The following ADARB2 variants were observed in gnomAD, a reference collection of about 807,000 sequenced individuals.
The protein encoded by ADARB2 is adenosine deaminase RNA specific B2 (inactive), also known as inactive double-stranded RNA-specific editase B2.
Under a neutral mutation model 62.2 loss-of-function variants are expected in ADARB2, and 25 were observed. That is an observed-to-expected ratio of 0.40 (90% CI 0.29 to 0.56). The LOEUF (loss-of-function observed/expected upper bound fraction) is 0.56. ADARB2 is among the 20% of genes least tolerant of loss of function. The probability of loss-of-function intolerance (pLI) is 0.43; values close to 1 mark genes in which losing one functional copy is unlikely to be tolerated. For missense variants in ADARB2, 1,071 were observed against 1,077.4 expected (o/e 0.99, Z 0.08); for synonymous variants, 572 against 500.8 (o/e 1.14, Z -1.90).
chr10:1,387,981 A>G (rs1314994963), intron 1 of ADARB2, among the ~76,000 whole-genome samples: 1 of 152,076 alleles, frequency 6.6e-6, no homozygotes, highest in African/African-American at 2.4e-5. Flanking sequence ...TAACATAATA[A>G]AGGGGGAAAA....
intron 1 of ADARB2, among the ~76,000 whole-genome samples, chr10:1,395,884 C>T (rs1047239062): frequency 4.6e-5 from 7 of 152,206 alleles, no homozygotes; most frequent in Non-Finnish European, 1.0e-4. Flanking sequence ...CCAGTCATGA[C>T]CAGCACTTTG....
rs551365318 is a variant in ADARB2 at position 1,590,098 on chromosome 10, G to A, written c.100+146953C>T. Reference sequence around the variant, plus strand: ...GTTGGCCTGGCTTGCTGGCAGCATCGCCTCCATGGTTGCTCCCAGCACCTC... The same window carrying A: ...GTTGGCCTGGCTTGCTGGCAGCATCACCTCCATGGTTGCTCCCAGCACCTC... On this transcript the variant is annotated intron_variant, in intron 1 of 9. Transcript: ENST00000381312. 1.3e-4 allele frequency among the ~76,000 whole-genome samples: 20 copies of A among 152,310 alleles called. No individual in the cohort carries two copies. The South Asian group carries it at 2.3e-3, about 17-fold the overall frequency.
At position 1,426,328 on chromosome 10, in the gene ADARB2, C is replaced by A. The variant is rs566414996; in HGVS notation, c.101-47168G>T. Among the ~76,000 whole-genome samples the A allele has an allele frequency of 3.9e-5, 6 of 152,262 alleles. No homozygotes were observed. Among genetic ancestry groups the A allele is most frequent in the African/African-American group, 1.4e-4 (6 of 41,558 alleles). On this transcript the variant is annotated intron_variant, in intron 1 of 9. Transcript: ENST00000381312. This position sits in a 1 kb window ranked among gnomAD's most constrained non-coding sequence, Gnocchi z 4.1. ...TTGTCGTCACTGTGTATAAACAGAA[C>A]AAGGAGAGAACTGCCTTATTCCTGG...
intron 6 of ADARB2, among the ~76,000 whole-genome samples, chr10:1,230,965 G>C (rs1032155695): frequency 6.6e-6 from 1 of 152,118 alleles, no homozygotes; most frequent in Non-Finnish European, 1.5e-5. Flanking sequence ...TGAACCTCAG[G>C]GTGCCTCGGA....
intron 1 of ADARB2, among the ~76,000 whole-genome samples, chr10:1,415,923 C>T (rs1356519851): frequency 6.6e-6 from 1 of 152,144 alleles, no homozygotes; most frequent in Non-Finnish European, 1.5e-5. Flanking sequence ...ATTATAGAGC[C>T]TGGATATGAG....
chr10:1,722,657 T>C (rs1032129318), intron 1 of ADARB2, among the ~76,000 whole-genome samples: 1 of 152,238 alleles, frequency 6.6e-6, no homozygotes, highest in Non-Finnish European at 1.5e-5. Flanking sequence ...TATTCTTCTC[T>C]TGGGAAATAG....
chr10:1,249,641 T>C lies in ADARB2; in HGVS notation c.1193-7342A>G, dbSNP rs11595010. ...GCACACACACACACACACACACACA[T>C]ACACACGAGTATCATGCTCTATGGG... On this transcript the variant is annotated intron_variant, in intron 4 of 9. Coordinates refer to ENST00000381312, the MANE Select transcript of ADARB2 (RefSeq NM_018702.4). Among the ~76,000 whole-genome samples, 53 of 144,970 alleles carry C rather than the reference T, an allele frequency of 3.7e-4. 1 individual carries two copies. The highest frequency in any genetic ancestry group is 2.9e-3 in the East Asian group (15 of 5,124).
intron 2 of ADARB2, among the ~76,000 whole-genome samples, chr10:1,373,848 C>T (rs1832397595): frequency 1.3e-5 from 2 of 151,334 alleles, no homozygotes; most frequent in Non-Finnish European, 2.9e-5. Context: ...AGTGAAACCG[C>T]GTGGGCTCCG....
chr10:1,301,898 A>G (rs967262056), intron 3 of ADARB2, among the ~76,000 whole-genome samples: 4 of 152,200 alleles, frequency 2.6e-5, no homozygotes, highest in Non-Finnish European at 4.4e-5. Context: ...AGTCCCCACA[A>G]TTGGTGACCT....
chr10:1,486,924 G>A (rs1359336503), intron 1 of ADARB2, among the ~76,000 whole-genome samples: 1 of 152,240 alleles, frequency 6.6e-6, no homozygotes, highest in Non-Finnish European at 1.5e-5. Context: ...GGTTGGAAGA[G>A]GAAAGAAGAG....
chr10:1,413,898 G>T (rs1832780025), intron 1 of ADARB2, among the ~76,000 whole-genome samples: 1 of 152,260 alleles, frequency 6.6e-6, no homozygotes, highest in South Asian at 2.1e-4. Context: ...GATGAGTTCA[G>T]TTAAGCAGGT....
At chr10:1,484,542 G>T (rs1320113409) in intron 1 of ADARB2, among the ~76,000 whole-genome samples, 3 of 152,226 alleles carry the variant, frequency 2.0e-5, no homozygotes, top group Non-Finnish European at 4.4e-5. Context: ...ATGGGAAGAA[G>T]CTTAAGCCAT....
At position 1,241,981 on chromosome 10, in the gene ADARB2, C is replaced by G. The variant is rs566639513; in HGVS notation, c.1361+150G>C. 13 of 852,588 alleles carry G rather than the reference C, an allele frequency of 1.5e-5. No individual in the cohort carries two copies. The South Asian group carries it at 1.6e-4, about 11-fold the overall frequency. 52.8% of individuals were successfully genotyped at this position (852,588 alleles called of 1,614,324 possible). ...CTTTATTGGTGTGCCAGGGATGTCTCTAGTCTGAATAAAAAGGGATGCTTT... is the reference window on the plus strand; with the variant it reads ...CTTTATTGGTGTGCCAGGGATGTCTGTAGTCTGAATAAAAAGGGATGCTTT... On this transcript the variant is annotated intron_variant, in intron 5 of 9. Transcript: ENST00000381312.
At chr10:1,518,660 A>G (rs1832036279) in intron 1 of ADARB2, among the ~76,000 whole-genome samples, 2 of 151,952 alleles carry the variant, frequency 1.3e-5, no homozygotes, top group South Asian at 4.1e-4. Context: ...GTATTGCCAT[A>G]TGCAAGTATT....
intron 1 of ADARB2, among the ~76,000 whole-genome samples, chr10:1,727,588 G>T (rs75346165): frequency 2.6e-5 from 4 of 152,112 alleles, no homozygotes; most frequent in Admixed American, 2.6e-4. Flanking sequence ...ACTTAAAGGG[G>T]TTTACATTTT....
chr10:1,471,134 G>T (rs903421070), intron 1 of ADARB2, among the ~76,000 whole-genome samples: 4 of 152,182 alleles, frequency 2.6e-5, no homozygotes, highest in African/African-American at 9.7e-5. Flanking sequence ...GATCCCACAG[G>T]GGTGGTTTTT....
chr10:1,691,899 ATGTGTG>A (rs57984302), intron 1 of ADARB2, among the ~76,000 whole-genome samples: 3 of 150,390 alleles, frequency 2.0e-5, no homozygotes, highest in Non-Finnish European at 3.0e-5. Context: ...TCATTACTAA[ATGTGTG>A]TGTGTGTGTG....
At chr10:1,337,638 C>T (rs1831986705) in intron 3 of ADARB2, among the ~76,000 whole-genome samples, 1 of 152,180 alleles carries the variant, frequency 6.6e-6, no homozygotes, top group Admixed American at 6.5e-5. Flanking sequence ...ACCGAGGCCT[C>T]ATATCACCTC....
intron 6 of ADARB2, among the ~76,000 whole-genome samples, chr10:1,225,172 G>A (rs1164353913): frequency 1.3e-5 from 2 of 152,102 alleles, no homozygotes; most frequent in African/African-American, 4.8e-5. Context: ...ATTATGTAAT[G>A]GCCTTCTTTG....
Sources: allele counts gnomAD v4.1 joint callset (sites outside exome capture counted in the v4.1 genomes callset), GRCh38; gene constraint gnomAD v4.1.1; non-coding constraint Gnocchi (gnomAD v3.1); transcripts MANE v1.5; gene names NCBI Gene and HGNC (gene_info 2026-07-23, HGNC 2026-07-21).